The following GXYLT2 variants were observed in gnomAD, a reference collection of about 807,000 sequenced individuals.
GXYLT2 encodes glycosyltransferase 8 domain containing 4.
GXYLT2 carries 53 observed loss-of-function variants against 45.8 expected under a neutral mutation model. The ratio of observed to expected loss-of-function variants is 1.16; its 90% CI spans 0.93 to 1.46. The LOEUF (loss-of-function observed/expected upper bound fraction) is 1.46. Among genes scored for constraint, GXYLT2 ranks in the 40% most tolerant of loss-of-function variants. GXYLT2 has a pLI of 0.00. For synonymous variants in GXYLT2, 219 were observed against 214.2 expected (o/e 1.02, Z -0.19); for missense variants, 551 against 544.4 (o/e 1.01, Z -0.12).
intron 3 of GXYLT2, among the ~76,000 whole-genome samples, chr3:72,940,735 G>A (rs1710282166): frequency 6.6e-6 from 1 of 152,196 alleles, no homozygotes; most frequent in South Asian, 2.1e-4. Flanking sequence ...AGGCTAGAGT[G>A]CAGTGGTGCA....
chr3:72,930,739 G>A (rs1710014321), intron 3 of GXYLT2, among the ~76,000 whole-genome samples: 2 of 151,484 alleles, frequency 1.3e-5, no homozygotes, highest in South Asian at 2.1e-4. Context: ...GACTACAGGT[G>A]TGCACCACCA....
rs1466100030 is a variant in GXYLT2, at chr3:72,955,134, G to A, written c.637G>A (p.Asp213Asn). The A allele has an allele frequency of 3.1e-6, 5 of 1,613,914 alleles. No homozygotes were observed. Among genetic ancestry groups the A allele is most frequent in the Non-Finnish European group, 2.5e-6 (3 of 1,179,874 alleles). ...GGATGTGGACTCACTTCTCTACGTGGACACCGATGTCCTCTTTCTGAGACC... is the reference window on the plus strand; with the variant it reads ...GGATGTGGACTCACTTCTCTACGTGAACACCGATGTCCTCTTTCTGAGACC... ...LKDVDSLLYV[D>N]TDVLFLRPVD... Residue 213 changes from aspartate (D) to asparagine (N), a missense_variant, in exon 4 of 7, where the codon GAC becomes AAC. Transcript: ENST00000389617.
At chr3:72,918,340 T>A (rs1382214454) in intron 2 of GXYLT2, among the ~76,000 whole-genome samples, 1 of 152,214 alleles carries the variant, frequency 6.6e-6, no homozygotes, top group Non-Finnish European at 1.5e-5. Flanking sequence ...AATGACTACA[T>A]TGCATTCTGT....
intron 4 of GXYLT2, among the ~76,000 whole-genome samples, chr3:72,956,493 C>A (rs1025565962): frequency 6.6e-6 from 1 of 152,112 alleles, no homozygotes; most frequent in Non-Finnish European, 1.5e-5. Context: ...ACTCTGTTAT[C>A]TGTATTTTGT....
intron 2 of GXYLT2, among the ~76,000 whole-genome samples, chr3:72,919,420 A>G (rs1709792269): frequency 6.6e-6 from 1 of 151,778 alleles, no homozygotes. Flanking sequence ...TTCTAACTAT[A>G]TCACATTCTG....
At chr3:72,907,590 A>G (rs1709536527) in intron 1 of GXYLT2, among the ~76,000 whole-genome samples, 1 of 152,116 alleles carries the variant, frequency 6.6e-6, no homozygotes. Context: ...ATTACTAGGA[A>G]ATAGCTGGAT....
chr3:72,925,447 C>T (rs962392646), intron 3 of GXYLT2, among the ~76,000 whole-genome samples: 2 of 152,130 alleles, frequency 1.3e-5, no homozygotes, highest in Non-Finnish European at 2.9e-5. Flanking sequence ...TGAGCCACTG[C>T]GCCTGGCCAC....
intron 3 of GXYLT2, among the ~76,000 whole-genome samples, chr3:72,930,363 G>A (rs1367783014): frequency 7.3e-5 from 11 of 151,658 alleles, no homozygotes; most frequent in South Asian, 4.2e-4. Flanking sequence ...TTAGCTGGGC[G>A]TGGTGGCATG....
intron 1 of GXYLT2, among the ~76,000 whole-genome samples, chr3:72,899,925 C>T (rs1709369753): frequency 6.6e-6 from 1 of 152,096 alleles, no homozygotes; most frequent in South Asian, 2.1e-4. Context: ...AACTAGTGGC[C>T]AACAGCATGG....
chr3:72,915,156 G>C (rs925361616), intron 2 of GXYLT2, among the ~76,000 whole-genome samples: 1 of 151,750 alleles, frequency 6.6e-6, no homozygotes, highest in Non-Finnish European at 1.5e-5. Context: ...ATCTCAAAAA[G>C]AGCCTGAATT....
intron 3 of GXYLT2, among the ~76,000 whole-genome samples, chr3:72,948,932 A>G: frequency 6.6e-6 from 1 of 151,706 alleles, no homozygotes; most frequent in Non-Finnish European, 1.5e-5. Context: ...ACAGAACTTT[A>G]CAGAATTCTA....
At chr3:72,889,019 C>G (rs1484229344) in intron 1 of GXYLT2, among the ~76,000 whole-genome samples, 1 of 152,116 alleles carries the variant, frequency 6.6e-6, no homozygotes, top group Non-Finnish European at 1.5e-5. Flanking sequence ...AAGTTTTCTC[C>G]TTGAAAGGAC....
At chr3:72,946,383 A>C (rs535187961) in intron 3 of GXYLT2, among the ~76,000 whole-genome samples, 1 of 151,866 alleles carries the variant, frequency 6.6e-6, no homozygotes, top group Non-Finnish European at 1.5e-5. Flanking sequence ...AAGACATCCC[A>C]GTCGTAGAGA....
chr3:72,900,484 G>C (rs189532845), intron 1 of GXYLT2, among the ~76,000 whole-genome samples: 1 of 151,814 alleles, frequency 6.6e-6, no homozygotes, highest in Non-Finnish European at 1.5e-5. Context: ...GCACAATCTC[G>C]GCTCACTGCA....
chr3:72,934,790 A>G (rs1256981525), intron 3 of GXYLT2, among the ~76,000 whole-genome samples: 4 of 152,184 alleles, frequency 2.6e-5, no homozygotes, highest in Non-Finnish European at 5.9e-5. Context: ...GAGATTCAGT[A>G]AAAAACTTAC....
intron 3 of GXYLT2, among the ~76,000 whole-genome samples, chr3:72,949,502 CTTTTTTTTTTTTT>C (rs56323434): frequency 6.9e-5 from 5 of 72,612 alleles, no homozygotes; most frequent in Admixed American, 2.3e-4. Context: ...CTTTCTTTTT[CTTTTTTTTTTTTT>C]TTTTTTTTTT....
chr3:72,941,705 G>C (rs1210043835), intron 3 of GXYLT2, among the ~76,000 whole-genome samples: 1 of 151,796 alleles, frequency 6.6e-6, no homozygotes, highest in Non-Finnish European at 1.5e-5. Context: ...TGTCAATGTG[G>C]ACTCATGTTT....
rs755121331 is a variant in GXYLT2, at chr3:72,955,109, G to T, written c.612G>T (p.Lys204Asn). 1.2e-6 allele frequency: 2 copies of T among 1,613,820 alleles called. No individual in the cohort carries two copies. Among genetic ancestry groups the T allele is most frequent in the South Asian group, 2.2e-5 (2 of 91,062 alleles). The change falls in exon 4 of 7, where the codon AAG becomes AAT. Residue 204 changes from lysine (K) to asparagine (N), a missense_variant. Physicochemically the swap from Lys to Asn is moderately conservative, Grantham distance 94 (BLOSUM62 0). Coordinates refer to ENST00000389617, the MANE Select transcript of GXYLT2 (RefSeq NM_001080393.2). Reference protein sequence around the residue: ...AQRLFLPVILKDVDSLLYVDT... With the variant: ...AQRLFLPVILNDVDSLLYVDT... ...CCTTACACACAAAGGTGATTTTAAA[G>T]GATGTGGACTCACTTCTCTACGTGG...
Position 72,975,926 on chromosome 3 carries a change from CTTTTTTTTTTTTTTT to C in GXYLT2, c.*776_*790del. ...GGGTATTTCTTCTTTTTCTTTCTTT[CTTTTTTTTTTTTTTT>C]TTTTTTTTGAGACGGAATCTCACTC... On this transcript the variant is annotated 3_prime_UTR_variant, in exon 7 of 7. Coordinates refer to ENST00000389617, the MANE Select transcript of GXYLT2 (RefSeq NM_001080393.2). 1 of 119,536 alleles carries C rather than the reference CTTTTTTTTTTTTTTT, an allele frequency of 8.4e-6. No homozygotes were observed. Among genetic ancestry groups the C allele is most frequent in the East Asian group, 2.4e-4 (1 of 4,108 alleles). 7.4% of individuals were successfully genotyped at this position (119,536 alleles called of 1,614,324 possible).
Sources: gnomAD v4.1 joint callset for allele counts (sites outside exome capture counted in the v4.1 genomes callset) on GRCh38, gnomAD v4.1.1 for gene constraint, MANE v1.5 for transcripts, NCBI Gene and HGNC (gene_info 2026-07-23, HGNC 2026-07-21) for gene names.